Variants in SLC39A12 observed in about 807,000 individuals in gnomAD.
SLC39A12 encodes zinc transporter ZIP12.
Under a neutral mutation model 71.1 loss-of-function variants are expected in SLC39A12, and 63 were observed. The ratio of observed to expected loss-of-function variants is 0.89; its 90% CI spans 0.72 to 1.09. The LOEUF is 1.09. Among genes scored for constraint, SLC39A12 ranks in the 50% least tolerant of loss-of-function variants. SLC39A12 has a pLI of 0.00. For synonymous variants in SLC39A12, 351 were observed against 301.3 expected, an observed-to-expected ratio of 1.16 and a Z score of -1.71; for missense variants, 892 against 812.6, an observed-to-expected ratio of 1.10 and a Z score of -1.19.
intron 5 of SLC39A12, among the ~76,000 whole-genome samples, chr10:17,980,483 T>C (rs373255068): frequency 6.6e-6 from 1 of 152,178 alleles, no homozygotes; most frequent in Non-Finnish European, 1.5e-5. Context: ...TTTGTGAGAG[T>C]GAAACTACCC....
chr10:18,040,611 A>T (rs1837195668), intron 12 of SLC39A12, among the ~76,000 whole-genome samples: 1 of 151,964 alleles, frequency 6.6e-6, no homozygotes, highest in South Asian at 2.1e-4. Flanking sequence ...CTCTACTAAA[A>T]ATACAAAATT....
At chr10:18,021,213 T>G (rs1836523901) in intron 12 of SLC39A12, among the ~76,000 whole-genome samples, 1 of 151,964 alleles carries the variant, frequency 6.6e-6, no homozygotes, top group Non-Finnish European at 1.5e-5. Context: ...CCAGCACCAT[T>G]TATTGAATAG....
In SLC39A12 at chr10:18,000,578, G is replaced by A. The variant is rs1835804401; in HGVS notation, c.1601-89G>A. The A allele has an allele frequency of 5.7e-4, 687 of 1,198,760 alleles. 8 individuals are homozygous for A. In the South Asian group the frequency reaches 8.2e-3, roughly 14 times the overall value. 74.3% of individuals were successfully genotyped at this position (1,198,760 alleles called of 1,614,324 possible). ...CAGATGGAATATAAGAATGTCAAGT[G>A]TAGGTGGGAAGGTTGGTTGGTTTTG... On this transcript the variant is annotated intron_variant, in intron 10 of 12. Coordinates refer to ENST00000377369, the MANE Select transcript of SLC39A12 (RefSeq NM_001145195.2).
chr10:17,975,276 G>A (rs74118062), intron 4 of SLC39A12, among the ~76,000 whole-genome samples: 1 of 152,082 alleles, frequency 6.6e-6, no homozygotes, highest in Non-Finnish European at 1.5e-5. Flanking sequence ...TGTGGCTAAG[G>A]TGATACCTGA....
At chr10:18,037,846 C>T (rs181778329) in intron 12 of SLC39A12, among the ~76,000 whole-genome samples, 156 of 151,240 alleles carry the variant, frequency 1.0e-3, no homozygotes, top group Non-Finnish European at 1.5e-3. Context: ...ATCATGAAAC[C>T]CCATCTCTAC....
Position 18,031,228 on chromosome 10 carries a change from C to T in SLC39A12, c.1948-11477C>T, listed in dbSNP as rs1415988321. ...GATCCCTGAGGACTCGCCACACTGACTTCCACAATGGTTGAACTAGTTTAC... is the reference window on the plus strand; with the variant it reads ...GATCCCTGAGGACTCGCCACACTGATTTCCACAATGGTTGAACTAGTTTAC... On this transcript the variant is annotated intron_variant, in intron 12 of 12. Transcript: ENST00000377369. Among the ~76,000 whole-genome samples, 3 of 146,978 alleles carry T rather than the reference C, an allele frequency of 2.0e-5. No individual in the cohort carries two copies. The East Asian group carries it at 6.0e-4, about 29-fold the overall frequency.
At position 17,954,284 on chromosome 10, in the gene SLC39A12, C is replaced by T. The variant is rs371987826; in HGVS notation, c.261+747C>T. Among the ~76,000 whole-genome samples, 27 of 152,226 alleles carry T rather than the reference C, an allele frequency of 1.8e-4. No homozygotes were observed. The East Asian group carries it at 2.9e-3, about 16-fold the overall frequency. On this transcript the variant is annotated intron_variant, in intron 2 of 12. Transcript: ENST00000377369. ...TTTTATTTATTGTGAGACAGAGTCT[C>T]GCCCTGTTGCCCAGGCTGGAGTGCA...
chr10:18,030,338 T>C (rs549588828), intron 12 of SLC39A12, among the ~76,000 whole-genome samples: 38 of 151,828 alleles, frequency 2.5e-4, no homozygotes, highest in Non-Finnish European at 5.2e-4. Context: ...CCCAGGTTCA[T>C]GCCATTCTCC....
At chr10:18,041,635 A>ATGTATG (rs1837234902) in intron 12 of SLC39A12, among the ~76,000 whole-genome samples, 5 of 97,636 alleles carry the variant, frequency 5.1e-5, no homozygotes, top group African/African-American at 2.1e-4. Context: ...ATATATGTGT[A>ATGTATG]TATATATGTA....
chr10:17,969,205 G>A (rs1834907873), intron 4 of SLC39A12, among the ~76,000 whole-genome samples: 1 of 152,086 alleles, frequency 6.6e-6, no homozygotes, highest in African/African-American at 2.4e-5. Context: ...TAGACACTTA[G>A]GTTGCTTCCA....
chr10:17,968,636 TTTTTTC>T (rs879440233), intron 4 of SLC39A12, among the ~76,000 whole-genome samples: 8 of 152,138 alleles, frequency 5.3e-5, no homozygotes, highest in African/African-American at 1.4e-4. Flanking sequence ...TTCTTGATCC[TTTTTTC>T]TTTTTCTTTT....
intron 12 of SLC39A12, among the ~76,000 whole-genome samples, chr10:18,037,491 C>G (rs1010102959): frequency 6.6e-6 from 1 of 152,124 alleles, no homozygotes; most frequent in South Asian, 2.1e-4. Context: ...CTCTTTCTGA[C>G]ATCACAACAA....
intron 4 of SLC39A12, among the ~76,000 whole-genome samples, chr10:17,967,105 C>G (rs1211519947): frequency 6.6e-6 from 1 of 152,136 alleles, no homozygotes; most frequent in African/African-American, 2.4e-5. Flanking sequence ...ACGTGTCACA[C>G]TTCTTCCATC....
chr10:18,027,001 A>G (rs566438442), intron 12 of SLC39A12, among the ~76,000 whole-genome samples: 55 of 152,288 alleles, frequency 3.6e-4, no homozygotes, highest in African/African-American at 1.3e-3. Context: ...CAACATTTCT[A>G]TTACATCTGA....
chr10:17,953,634 A>G, intron 2 of SLC39A12, 97 bp downstream of exon 2: 1 of 1,375,526 alleles, frequency 7.3e-7, no homozygotes. Flanking sequence ...ATCACAGGCA[A>G]ATCTTCCAAT....
At position 18,042,844 on chromosome 10, in the gene SLC39A12, T is replaced by C; in HGVS notation, c.*11T>C. The C allele has an allele frequency of 6.3e-7, 1 of 1,596,712 alleles. No individual in the cohort carries two copies. The highest frequency in any genetic ancestry group is 8.5e-7 in the Non-Finnish European group (1 of 1,173,410). On this transcript the variant is annotated 3_prime_UTR_variant, in exon 13 of 13. Coordinates refer to ENST00000377369, the MANE Select transcript of SLC39A12 (RefSeq NM_001145195.2). ...AATATTAAAATATAAGTGAGGATCT[T>C]CAACATCTTTCAAAAATGCATTTAT...
chr10:18,031,087 G>T (rs1321756142), intron 12 of SLC39A12, among the ~76,000 whole-genome samples: 6 of 148,000 alleles, frequency 4.1e-5, no homozygotes. Flanking sequence ...TTGCTATTGT[G>T]AATAATGCCG....
At chr10:17,962,641 T>C (rs1554848551) in intron 3 of SLC39A12, among the ~76,000 whole-genome samples, 1 of 152,048 alleles carries the variant, frequency 6.6e-6, no homozygotes, top group Non-Finnish European at 1.5e-5. Flanking sequence ...TTCATAAACA[T>C]GTATAGACAA....
intron 12 of SLC39A12, among the ~76,000 whole-genome samples, chr10:18,008,060 T>C (rs1836082882): frequency 6.6e-6 from 1 of 152,174 alleles, no homozygotes; most frequent in African/African-American, 2.4e-5. Flanking sequence ...TCCACTAATA[T>C]AGGGAGCCCC....
Sources: allele counts gnomAD v4.1 joint callset (sites outside exome capture counted in the v4.1 genomes callset), GRCh38; gene constraint gnomAD v4.1.1; transcripts MANE v1.5; gene names NCBI Gene and HGNC (gene_info 2026-07-23, HGNC 2026-07-21).